The following FOXP2 variants were observed in gnomAD, a reference collection of about 807,000 sequenced individuals.
The protein encoded by FOXP2 is forkhead box P2, also known as forkhead box protein P2.
FOXP2 carries 12 observed loss-of-function variants against 115.8 expected under a neutral mutation model. That is an observed-to-expected ratio of 0.10 (90% CI 0.07 to 0.17). The LOEUF (loss-of-function observed/expected upper bound fraction) is 0.17, where lower values mean the gene tolerates loss of function less well. FOXP2 is among the 10% of genes least tolerant of loss of function. FOXP2 has a pLI of 1.00. For synonymous variants in FOXP2, 328 were observed against 297.7 expected (o/e 1.10, Z -1.05); for missense variants, 629 against 843.5 (o/e 0.75, Z 3.15).
chr7:114,197,625 T>C (rs541610901), intron 1 of FOXP2, among the ~76,000 whole-genome samples: 96 of 152,308 alleles, frequency 6.3e-4, no homozygotes, highest in South Asian at 1.2e-3. Flanking sequence ...CCAGTTTTCA[T>C]TGATTGATTT....
intron 2 of FOXP2, among the ~76,000 whole-genome samples, chr7:114,404,993 A>G (rs1792998387): frequency 6.6e-6 from 1 of 151,992 alleles, no homozygotes; most frequent in African/African-American, 2.4e-5. Flanking sequence ...TAGCGAAAGA[A>G]CCAAATAATT....
intron 1 of FOXP2, chr7:114,419,743 C>T (rs1433686351): frequency 6.6e-6 from 1 of 152,474 alleles, no homozygotes. Flanking sequence ...CACACACACA[C>T]ACACCCCAGA....
chr7:114,199,511 G>A (rs567463727), intron 1 of FOXP2, among the ~76,000 whole-genome samples: 1 of 152,226 alleles, frequency 6.6e-6, no homozygotes, highest in South Asian at 2.1e-4. Flanking sequence ...ATTAGAAAGG[G>A]AGCAGAGCTA....
At chr7:114,235,339 G>T (rs1794983643) in intron 1 of FOXP2, among the ~76,000 whole-genome samples, 1 of 151,620 alleles carries the variant, frequency 6.6e-6, no homozygotes, top group African/African-American at 2.4e-5. Context: ...TCTTCCTCTG[G>T]CAACAGGAGG....
chr7:114,665,162 C>T (rs1244080809), intron 16 of FOXP2: 2 of 152,058 alleles, frequency 1.3e-5, no homozygotes, highest in African/African-American at 4.8e-5. Context: ...GTGTATGACA[C>T]TTTAAAAAAT....
intron 2 of FOXP2, among the ~76,000 whole-genome samples, chr7:114,442,193 C>G (rs1794633242): frequency 6.6e-6 from 1 of 152,066 alleles, no homozygotes; most frequent in East Asian, 1.9e-4. Context: ...TATACATGAA[C>G]TTTAAAAACA....
At chr7:114,140,370 C>A (rs905268796) in intron 1 of FOXP2, among the ~76,000 whole-genome samples, 1 of 152,060 alleles carries the variant, frequency 6.6e-6, no homozygotes, top group Non-Finnish European at 1.5e-5. Flanking sequence ...TGTGTTCTGT[C>A]CATTGAGGTG....
At chr7:114,446,042 G>GA (rs5886708) in intron 2 of FOXP2, among the ~76,000 whole-genome samples, 94,652 of 151,676 alleles carry the variant, frequency 0.62, 30,723 homozygotes, top group African/African-American at 0.8. Context: ...TGATTAACTA[G>GA]TTTTTTTGCT....
chr7:114,687,226 A>G (rs1808413651), intron 16 of FOXP2, among the ~76,000 whole-genome samples: 1 of 152,180 alleles, frequency 6.6e-6, no homozygotes, highest in Non-Finnish European at 1.5e-5. Flanking sequence ...CTACAAATCC[A>G]GTTGGAGCAT....
intron 3 of FOXP2, among the ~76,000 whole-genome samples, chr7:114,577,006 CTT>C (rs1248396242): frequency 2.0e-5 from 3 of 151,690 alleles, no homozygotes; most frequent in East Asian, 1.9e-4. Flanking sequence ...GTGCATGTGT[CTT>C]TATTCAATTC....
intron 1 of FOXP2, among the ~76,000 whole-genome samples, chr7:114,164,345 C>CT (rs766312307): frequency 0.062 from 8,731 of 140,308 alleles, 609 homozygotes; most frequent in African/African-American, 0.17. Flanking sequence ...CAAAACTTTT[C>CT]TTTTTTTTTT....
intron 6 of FOXP2, among the ~76,000 whole-genome samples, chr7:114,632,794 CA>C (rs1415530753): frequency 1.3e-5 from 2 of 151,668 alleles, no homozygotes; most frequent in Non-Finnish European, 2.9e-5. Context: ...GTTTAAATAG[CA>C]AAAGAAAAAC....
At chr7:114,689,303 C>T (rs1808535920) in intron 16 of FOXP2, among the ~76,000 whole-genome samples, 2 of 151,950 alleles carry the variant, frequency 1.3e-5, no homozygotes, top group African/African-American at 4.8e-5. Flanking sequence ...AACACCCAAT[C>T]TAGCTTATAC....
In FOXP2 at chr7:114,348,402, C is replaced by T. The variant is rs1326990101; in HGVS notation, c.-11+60293C>T. Among the ~76,000 whole-genome samples the T allele has an allele frequency of 3.9e-5, 6 of 151,994 alleles. No homozygotes were observed. In the East Asian group the frequency reaches 1.2e-3, roughly 29 times the overall value. On this transcript the variant is annotated intron_variant, in intron 2 of 17. Transcript: ENST00000634411. ...TGCTTCTCTTCTTCAAGGTTTGTTT[C>T]CTTTTTCCCCTCTTGTTGTCTACTT...
chr7:114,469,256 A>G (rs1795939902), intron 2 of FOXP2, among the ~76,000 whole-genome samples: 1 of 152,198 alleles, frequency 6.6e-6, no homozygotes, highest in African/African-American at 2.4e-5. Flanking sequence ...CAAGTTTTCA[A>G]CAGGAAAAAA....
At chr7:114,478,193 A>G (rs1322251042) in intron 2 of FOXP2, among the ~76,000 whole-genome samples, 1 of 151,930 alleles carries the variant, frequency 6.6e-6, no homozygotes, top group Non-Finnish European at 1.5e-5. Context: ...GTATATGTCA[A>G]AATAATCCAT....
At chr7:114,244,874 G>T (rs1423434053) in intron 1 of FOXP2, among the ~76,000 whole-genome samples, 3 of 151,730 alleles carry the variant, frequency 2.0e-5, no homozygotes, top group African/African-American at 7.3e-5. Flanking sequence ...CCATTCTCCT[G>T]CCTCAGCCTC....
chr7:114,512,492 A>G (rs1235871882), intron 2 of FOXP2, among the ~76,000 whole-genome samples: 6 of 152,166 alleles, frequency 3.9e-5, no homozygotes, highest in Non-Finnish European at 5.9e-5. Context: ...GTGGGATGGA[A>G]GTGGCTCCAT....
chr7:114,385,316 G>A (rs533774347), intron 2 of FOXP2, among the ~76,000 whole-genome samples: 1 of 152,322 alleles, frequency 6.6e-6, no homozygotes, highest in East Asian at 1.9e-4. Context: ...ATCAGAGGAA[G>A]TAGATTCAGA....
Sources: allele counts gnomAD v4.1 joint callset (sites outside exome capture counted in the v4.1 genomes callset), GRCh38; gene constraint gnomAD v4.1.1; transcripts MANE v1.5; gene names NCBI Gene and HGNC (gene_info 2026-07-23, HGNC 2026-07-21).